The following COL12A1 variants were observed in gnomAD, a reference collection of about 807,000 sequenced individuals.
COL12A1 encodes collagen alpha-1(XII) chain.
Under a neutral mutation model 349.7 loss-of-function variants are expected in COL12A1, and 114 were observed. That is an observed-to-expected ratio of 0.33 (90% CI 0.28 to 0.38). The LOEUF (loss-of-function observed/expected upper bound fraction) is 0.38. COL12A1 is among the 10% of genes least tolerant of loss of function. The pLI is 1.00. For missense variants in COL12A1, 3,284 were observed against 3,756.9 expected, an observed-to-expected ratio of 0.87 and a Z score of 3.29; for synonymous variants, 1,369 against 1,329.0, an observed-to-expected ratio of 1.03 and a Z score of -0.66.
At position 75,131,927 on chromosome 6, in the gene COL12A1, C is replaced by A. The variant is rs769986889; in HGVS notation, c.5937+13G>T. 36 of 1,612,952 alleles carry A rather than the reference C, an allele frequency of 2.2e-5. No individual in the cohort carries two copies. The highest frequency in any genetic ancestry group is 1.1e-4 in the East Asian group (5 of 44,842). The stretch of plus-strand genomic sequence containing the variant: ...TCACCAGGAAATGCAGTTTCCATGA[C>A]AAAATTACTTACAGATTCTGAGGGT... On this transcript the variant is annotated intron_variant, in intron 35 of 65. Transcript: ENST00000322507.
At chr6:75,146,450 T>G (rs1383546672) in intron 23 of COL12A1, among the ~76,000 whole-genome samples, 1 of 152,330 alleles carries the variant, frequency 6.6e-6, no homozygotes, top group Admixed American at 6.5e-5. Context: ...AGACTGCACG[T>G]TACCACTATC....
chr6:75,180,949 G>C lies in COL12A1; in HGVS notation c.2154C>G (p.Thr718=). 6.2e-7 allele frequency: 1 copy of C among 1,611,014 alleles called. No individual in the cohort carries two copies. Among genetic ancestry groups the C allele is most frequent in the Non-Finnish European group, 8.5e-7 (1 of 1,177,676 alleles). ...GAAACCCCATCACACCTTCTTCGGT[G>C]GTCTCCTCTCCAGCTAAGGGAATGC... ...GFSIPLAGEE[T]TEEVKGAPRN... The change falls in exon 11 of 66, where the codon ACC becomes ACG. Residue 718 remains threonine (T), a synonymous_variant. Coordinates refer to ENST00000322507, the MANE Select transcript of COL12A1 (RefSeq NM_004370.6).
intron 14 of COL12A1, among the ~76,000 whole-genome samples, chr6:75,157,584 C>T (rs1767826921): frequency 6.6e-6 from 1 of 151,998 alleles, no homozygotes. Context: ...ATTTCCAGTC[C>T]CCAGTAAAAG....
rs146460777 is a variant in COL12A1, at chr6:75,153,078, C to T, written c.3566-596G>A. Among the ~76,000 whole-genome samples, 911 of 152,092 alleles carry T rather than the reference C, an allele frequency of 6.0e-3. 8 individuals carry two copies. Among genetic ancestry groups the T allele is most frequent in the South Asian group, 0.06 (287 of 4,814 alleles). On this transcript the variant is annotated intron_variant, in intron 17 of 65. Transcript: ENST00000322507. ...TAGACACATAACTTTTAAAATTATA[C>T]CTTTTTGAGGTAAAGATATATTTTT...
At chr6:75,101,892 C>T (rs1768321331) in intron 57 of COL12A1, 107 bp downstream of exon 57, 1 of 1,250,878 alleles carries the variant, frequency 8.0e-7, no homozygotes, top group Non-Finnish European at 1.2e-6. Flanking sequence ...AGGTGAAACA[C>T]ATATCCAGGC....
intron 42 of COL12A1, 36 bp downstream of exon 42, chr6:75,123,912 C>A: frequency 1.3e-6 from 2 of 1,585,434 alleles, no homozygotes; most frequent in South Asian, 2.3e-5. Flanking sequence ...TATTCTAAAG[C>A]CTTATGAAAG....
intron 13 of COL12A1, among the ~76,000 whole-genome samples, chr6:75,170,773 C>T (rs1448949238): frequency 6.6e-6 from 1 of 152,138 alleles, no homozygotes; most frequent in African/African-American, 2.4e-5. Context: ...AACACAGAGG[C>T]CTTGTTTAGT....
intron 52 of COL12A1, among the ~76,000 whole-genome samples, chr6:75,108,542 C>T (rs1002995395): frequency 5.3e-5 from 8 of 152,156 alleles, no homozygotes; most frequent in Non-Finnish European, 1.2e-4. Flanking sequence ...AGCTGGCTGC[C>T]CTACTCCACT....
In COL12A1 at chr6:75,184,135, G is replaced by T. The variant is rs1769484430; in HGVS notation, c.1007C>A (p.Pro336His). ...ELVSGEEVVE[P>H]PSNLIAMEVS... is the part of the protein sequence containing the mutation. ...TTCCATGGCAATCAAATTTGAAGGAGGCTCAACAACTAAAAAGTTACAAGC... is the reference window on the plus strand; with the variant it reads ...TTCCATGGCAATCAAATTTGAAGGATGCTCAACAACTAAAAAGTTACAAGC... Residue 336 changes from proline (P) to histidine (H), a missense_variant, in exon 9 of 66, where the codon CCT becomes CAT. Transcript: ENST00000322507. The T allele has an allele frequency of 6.2e-7, 1 of 1,613,118 alleles. No individual in the cohort carries two copies. The highest frequency in any genetic ancestry group is 1.1e-5 in the South Asian group (1 of 91,066).
At chr6:75,121,073 C>T (rs988743243) in intron 44 of COL12A1, among the ~76,000 whole-genome samples, 43 of 152,110 alleles carry the variant, frequency 2.8e-4, no homozygotes, top group African/African-American at 9.4e-4. Flanking sequence ...CCTAAGTTCT[C>T]CAACAGGAAT....
At chr6:75,178,364 A>G (rs972722749) in intron 11 of COL12A1, among the ~76,000 whole-genome samples, 1 of 152,156 alleles carries the variant, frequency 6.6e-6, no homozygotes, top group Admixed American at 6.5e-5. Context: ...GCTCTACCAT[A>G]TCAACCCACC....
At position 75,151,893 on chromosome 6, in the gene COL12A1, T is replaced by A. The variant is rs371419803; in HGVS notation, c.3974A>T (p.Asp1325Val). 8.1e-6 allele frequency: 13 copies of A among 1,613,676 alleles called. No homozygotes were observed. The highest frequency in any genetic ancestry group is 1.0e-5 in the Non-Finnish European group (12 of 1,179,784). ...DVEAPSKKLKDEGVELFAIGI... is the reference protein window; with the variant it reads ...DVEAPSKKLKVEGVELFAIGI... ...AATAGCAAACAGCTCCACTCCCTCA[T>A]CCTTGAGTTTCTTTGAAGGTGCTTC... is the stretch of plus-strand genomic sequence containing the variant. The change falls in exon 20 of 66, where the codon GAT becomes GTT. Residue 1325 changes from aspartate to valine, a missense_variant. Around this residue, in one of 2 missense-constraint regions of COL12A1, gnomAD observed 2,601 missense variants for 2,824.8 expected, o/e 0.92. Transcript: ENST00000322507.
In COL12A1 at chr6:75,093,447, C is replaced by G. The variant is rs144858191; in HGVS notation, c.8649+1661G>C. Among the ~76,000 whole-genome samples the G allele has an allele frequency of 1.1e-3, 171 of 152,056 alleles. 2 individuals carry two copies. The highest frequency in any genetic ancestry group is 3.5e-3 in the African/African-American group (147 of 41,458). On this transcript the variant is annotated intron_variant, in intron 60 of 65. Coordinates refer to ENST00000322507, the MANE Select transcript of COL12A1 (RefSeq NM_004370.6). ...AGCTCTCTGCTAAGACCTATATATA[C>G]CTATATGCTATGTTTGGTTTCATTA...
At position 75,156,528 on chromosome 6, in the gene COL12A1, G is replaced by A. The variant is rs763795239; in HGVS notation, c.2984-5C>T. The stretch of plus-strand genomic sequence containing the variant: ...GGGTTTTGGAATCTTGAGATACTGG[G>A]AGATAAAAGGAAGATTAAACTGTAT... On this transcript the variant is annotated splice_region_variant and splice_polypyrimidine_tract_variant and intron_variant, in intron 14 of 65. Transcript: ENST00000322507. 2 of 1,612,624 alleles carry A rather than the reference G, an allele frequency of 1.2e-6. No homozygotes were observed. Among genetic ancestry groups the A allele is most frequent in the Non-Finnish European group, 1.7e-6 (2 of 1,179,214 alleles).
chr6:75,168,977 G>C (rs1000701176), intron 13 of COL12A1, among the ~76,000 whole-genome samples: 1 of 152,114 alleles, frequency 6.6e-6, no homozygotes, highest in Non-Finnish European at 1.5e-5. Flanking sequence ...TAATCTCAAG[G>C]CTGACCCTCA....
intron 5 of COL12A1, 134 bp downstream of exon 5, chr6:75,191,567 T>C: frequency 6.3e-6 from 3 of 475,548 alleles, no homozygotes; most frequent in Non-Finnish European, 1.1e-5. Flanking sequence ...ATATTGTCTG[T>C]GCTCCTTCCA....
chr6:75,115,805 G>A lies in COL12A1; in HGVS notation c.7676C>T (p.Ala2559Val), dbSNP rs761234963. The A allele has an allele frequency of 8.7e-6, 14 of 1,611,916 alleles. No individual in the cohort carries two copies. Among genetic ancestry groups the A allele is most frequent in the Non-Finnish European group, 1.1e-5 (13 of 1,179,136 alleles). ...SYSAYRIQKN[A>V]FVNQPTADLH... The stretch of plus-strand genomic sequence containing the variant: ...TTACGCTGTAGGCTGATTCACAAAC[G>A]CATTCTTCTGAATCCTGTATGCTGA... The change falls in exon 49 of 66, where the codon GCG becomes GTG. Residue 2559 changes from alanine to valine, a missense_variant. Around this residue, in one of 2 missense-constraint regions of COL12A1, gnomAD observed 683 missense variants for 932.1 expected, o/e 0.73. Transcript: ENST00000322507.
rs539962435 is a variant in COL12A1, at chr6:75,088,917, C to A, written c.9010+189G>T. On this transcript the variant is annotated intron_variant, in intron 64 of 65. Transcript: ENST00000322507. ...TCGGGAGGCTGAGGCAGAAGAATGG[C>A]GTGAACCCAGGAGGTGGAGCTTGCA... 5.7e-4 allele frequency among the ~76,000 whole-genome samples: 87 copies of A among 151,728 alleles called. 1 individual carries two copies. In the South Asian group the frequency reaches 0.018, roughly 31 times the overall value.
At chr6:75,190,227 G>A (rs1769858457) in intron 5 of COL12A1, among the ~76,000 whole-genome samples, 1 of 151,798 alleles carries the variant, frequency 6.6e-6, no homozygotes, top group South Asian at 2.1e-4. Context: ...TAAGCAAAGG[G>A]TTTTTATTCC....
Sources: allele counts gnomAD v4.1 joint callset (sites outside exome capture counted in the v4.1 genomes callset), GRCh38; gene constraint gnomAD v4.1.1; regional missense constraint gnomAD v4.1.1; transcripts MANE v1.5; gene names NCBI Gene and HGNC (gene_info 2026-07-23, HGNC 2026-07-21).